ORC3: variants seen among roughly 807,000 people sequenced by gnomAD.
ORC3 encodes origin recognition complex subunit 3, also known as homolog of latheo, Drosophila.
ORC3 carries 78 observed loss-of-function variants against 100.7 expected under a neutral mutation model. That is an observed-to-expected ratio of 0.77 (90% CI 0.65 to 0.94). The LOEUF (loss-of-function observed/expected upper bound fraction) is 0.94, where lower values mean the gene tolerates loss of function less well. Among genes scored for constraint, ORC3 ranks in the 40% least tolerant of loss-of-function variants. The pLI, the probability that ORC3 is intolerant of heterozygous loss-of-function variation, is 0.00. For missense variants in ORC3, 789 were observed against 823.9 expected, an observed-to-expected ratio of 0.96 and a Z score of 0.52; for synonymous variants, 295 against 289.3, an observed-to-expected ratio of 1.02 and a Z score of -0.20.
intron 14 of ORC3, among the ~76,000 whole-genome samples, chr6:87,654,780 A>G (rs1390197020): frequency 6.6e-6 from 1 of 152,246 alleles, no homozygotes; most frequent in Non-Finnish European, 1.5e-5. Flanking sequence ...TAAACTGCAC[A>G]TATAATTTTT....
At chr6:87,615,535 A>C (rs1779097077) in intron 8 of ORC3, among the ~76,000 whole-genome samples, 1 of 152,168 alleles carries the variant, frequency 6.6e-6, no homozygotes, top group Non-Finnish European at 1.5e-5. Flanking sequence ...CTATTTTTAA[A>C]TTTGCTTGGC....
At chr6:87,675,991 C>G in the ORC3 span, 1 of 1,414,716 alleles carries the variant, frequency 7.1e-7, no homozygotes, top group Non-Finnish European at 9.9e-7. Context: ...GCCAGATAAA[C>G]TGAAAACACA....
rs901401657 is a variant in ORC3 at position 87,667,103 on chromosome 6, C to T, written c.2116C>T (p.Leu706=). Residue 706 remains leucine, a synonymous_variant, in exon 20 of 20, where the codon CTA becomes TTA. Transcript: ENST00000392844. Reference sequence around the variant, plus strand: ...ACAGAAGACTGACCATGTGGCAAGACTAACATGGGGAGGCTGCTAGAAAGC... The same window carrying T: ...ACAGAAGACTGACCATGTGGCAAGATTAACATGGGGAGGCTGCTAGAAAGC... The part of the protein sequence containing the change: ...TKQKTDHVAR[L]TWGGC 2 of 1,604,258 alleles carry T rather than the reference C, an allele frequency of 1.2e-6. No individual in the cohort carries two copies. Among genetic ancestry groups the T allele is most frequent in the Non-Finnish European group, 8.5e-7 (1 of 1,173,530 alleles).
At position 87,662,933 on chromosome 6, in the gene ORC3, T is replaced by A. The variant is rs2307376; in HGVS notation, c.1692-70T>A. 6.4e-3 allele frequency: 6,378 copies of A among 995,660 alleles called. 312 individuals carry two copies. In the African/African-American group the frequency reaches 0.099, roughly 15 times the overall value. 61.7% of individuals were successfully genotyped at this position (995,660 alleles called of 1,614,324 possible). A position where few individuals can be genotyped will look rare whatever the true frequency, so the allele number is the denominator to read the frequency against. On this transcript the variant is annotated intron_variant, in intron 16 of 19. Transcript: ENST00000392844. ...GTCCAACAGAGCTTAAAGGAAAAAA[T>A]ATATATATTATATATAAAGAAAATA... is the stretch of plus-strand genomic sequence containing the variant.
intron 13 of ORC3, among the ~76,000 whole-genome samples, chr6:87,643,184 G>A (rs964134091): frequency 1.3e-5 from 2 of 151,956 alleles, no homozygotes; most frequent in African/African-American, 2.4e-5. Flanking sequence ...ATGGCCTAGC[G>A]AGGTGGCTCA....
chr6:87,648,857 A>C (rs1769017650), intron 13 of ORC3, among the ~76,000 whole-genome samples: 1 of 152,162 alleles, frequency 6.6e-6, no homozygotes, highest in Non-Finnish European at 1.5e-5. Flanking sequence ...ATTCTTCACT[A>C]TTACAAACAA....
intron 2 of ORC3, among the ~76,000 whole-genome samples, chr6:87,598,672 T>TC (rs1197393333): frequency 1.3e-5 from 2 of 151,866 alleles, no homozygotes; most frequent in African/African-American, 4.8e-5. Flanking sequence ...TTTTTTTTTT[T>TC]CATTATGTGG....
chr6:87,628,546 A>G (rs1005490251), intron 11 of ORC3, among the ~76,000 whole-genome samples: 5 of 152,140 alleles, frequency 3.3e-5, no homozygotes, highest in African/African-American at 1.2e-4. Flanking sequence ...CTTTATACCT[A>G]TTTTCCCAAC....
intron 13 of ORC3, among the ~76,000 whole-genome samples, chr6:87,640,853 G>C (rs139709927): frequency 6.6e-6 from 1 of 152,074 alleles, no homozygotes; most frequent in Non-Finnish European, 1.5e-5. Flanking sequence ...TAATCCCAAC[G>C]CTTTGGGAGG....
At chr6:87,662,108 C>T (rs1277055664) in intron 16 of ORC3, among the ~76,000 whole-genome samples, 1 of 152,014 alleles carries the variant, frequency 6.6e-6, no homozygotes, top group East Asian at 1.9e-4. Flanking sequence ...TGCCTTCTAA[C>T]GTAATAAGTA....
At chr6:87,638,051 T>C (rs190751463) in intron 13 of ORC3, among the ~76,000 whole-genome samples, 323 of 152,320 alleles carry the variant, frequency 2.1e-3, no homozygotes, top group Middle Eastern at 3.4e-3. Context: ...AAAGCTGTTA[T>C]ACCTTCTGCT....
intron 3 of ORC3, among the ~76,000 whole-genome samples, chr6:87,602,932 TTATA>T (rs1297751774): frequency 7.7e-6 from 1 of 129,736 alleles, no homozygotes; most frequent in African/African-American, 2.9e-5. Flanking sequence ...ATATACACGT[TTATA>T]TATATATACA....
the ORC3 span, among the ~76,000 whole-genome samples, chr6:87,676,494 C>T: frequency 6.9e-6 from 1 of 145,852 alleles, no homozygotes; most frequent in Non-Finnish European, 1.5e-5. Context: ...CGGTGGCTCA[C>T]AGCTGTAATC....
intron 16 of ORC3, among the ~76,000 whole-genome samples, chr6:87,658,411 C>T (rs1769893319): frequency 6.6e-6 from 1 of 150,532 alleles, no homozygotes; most frequent in South Asian, 2.1e-4. Context: ...GAGCCAAGAT[C>T]GTGCCACTGC....
At chr6:87,633,104 A>G (rs1294497722) in intron 11 of ORC3, among the ~76,000 whole-genome samples, 1 of 152,198 alleles carries the variant, frequency 6.6e-6, no homozygotes, top group African/African-American at 2.4e-5. Context: ...ACTCACTTCT[A>G]CTGCATCACC....
chr6:87,631,772 G>A (rs973040939), intron 11 of ORC3, among the ~76,000 whole-genome samples: 2 of 152,106 alleles, frequency 1.3e-5, no homozygotes, highest in Admixed American at 1.3e-4. Context: ...GATTACAGGC[G>A]TGAGCCACCC....
chr6:87,592,704 G>C (rs1430856594), intron 1 of ORC3, among the ~76,000 whole-genome samples: 1 of 152,160 alleles, frequency 6.6e-6, no homozygotes, highest in Non-Finnish European at 1.5e-5. Flanking sequence ...CTTTATAGTT[G>C]CACAGCGGTC....
At chr6:87,664,588 C>A (rs1770453860) in intron 17 of ORC3, among the ~76,000 whole-genome samples, 155 bp from the exon 18 acceptor site, 1 of 152,160 alleles carries the variant, frequency 6.6e-6, no homozygotes, top group African/African-American at 2.4e-5. Context: ...TAAACAAGAA[C>A]TAGCTAACTA....
At chr6:87,607,963 A>G in intron 6 of ORC3, 139 bp downstream of exon 6, 1 of 507,902 alleles carries the variant, frequency 2.0e-6, no homozygotes, top group Admixed American at 3.9e-5. Flanking sequence ...GTAGGTATTT[A>G]TTTTTTCTAA....
Sources: gnomAD v4.1 joint callset for allele counts (sites outside exome capture counted in the v4.1 genomes callset) on GRCh38, gnomAD v4.1.1 for gene constraint, MANE v1.5 for transcripts, NCBI Gene and HGNC (gene_info 2026-07-23, HGNC 2026-07-21) for gene names.